RBM6: variants seen among roughly 807,000 people sequenced by gnomAD.
The protein encoded by RBM6 is RNA-binding protein 6.
Under a neutral mutation model 140.4 loss-of-function variants are expected in RBM6, and 23 were observed. That is an observed-to-expected ratio of 0.16 (90% CI 0.12 to 0.23). The LOEUF (loss-of-function observed/expected upper bound fraction) is 0.23. Among genes scored for constraint, RBM6 ranks in the 10% least tolerant of loss-of-function variants. RBM6 has a pLI of 1.00. For synonymous variants in RBM6, 439 were observed against 475.6 expected (o/e 0.92, Z 1.00); for missense variants, 1,139 against 1,386.7 (o/e 0.82, Z 2.84).
intron 6 of RBM6, among the ~76,000 whole-genome samples, chr3:50,032,950 A>G (rs2088270233): frequency 6.6e-6 from 1 of 151,728 alleles, no homozygotes; most frequent in Non-Finnish European, 1.5e-5. Flanking sequence ...GTGCCATTGC[A>G]CTCCAACCTG....
chr3:49,968,738 G>C lies in RBM6; in HGVS notation c.1313G>C (p.Arg438Pro). Reference sequence around the variant, plus strand: ...GGCAAAACTGCCCGAGATGCCCAACGGGACCTTCAGGTATGTTGATGGGGT... The same window carrying C: ...GGCAAAACTGCCCGAGATGCCCAACCGGACCTTCAGGTATGTTGATGGGGT... ...PEGKTARDAQRDLQDQDYRTG... is the reference protein window; with the variant it reads ...PEGKTARDAQPDLQDQDYRTG... The change falls in exon 3 of 21, where the codon CGG becomes CCG. Residue 438 changes from arginine to proline, a missense_variant. By Grantham distance (103) the Arg-to-Pro change is moderately radical (BLOSUM62 -2). Coordinates refer to ENST00000266022, the MANE Select transcript of RBM6 (RefSeq NM_005777.3). 6.2e-7 allele frequency: 1 copy of C among 1,605,332 alleles called. No individual in the cohort carries two copies. The highest frequency in any genetic ancestry group is 8.5e-7 in the Non-Finnish European group (1 of 1,175,410).
At chr3:50,009,251 T>C (rs546594536) in intron 6 of RBM6, among the ~76,000 whole-genome samples, 140 of 152,310 alleles carry the variant, frequency 9.2e-4, no homozygotes, top group Admixed American at 1.8e-3. Flanking sequence ...TGCACAAGCA[T>C]TCAGGCATGT....
chr3:50,022,022 G>A (rs922012250), intron 6 of RBM6, among the ~76,000 whole-genome samples: 5 of 150,774 alleles, frequency 3.3e-5, no homozygotes, highest in African/African-American at 1.2e-4. Context: ...CCACTGCACT[G>A]TAGCCTGGGT....
chr3:50,048,103 A>G (rs2089301010), intron 6 of RBM6, 142 bp from the exon 7 acceptor site: 1 of 1,449,254 alleles, frequency 6.9e-7, no homozygotes, highest in Admixed American at 2.8e-5. Flanking sequence ...GGCTTAAAAC[A>G]GCCATTTCCT....
rs1431206368 is a variant in RBM6 at position 49,968,432 on chromosome 3, A to C, written c.1007A>C (p.His336Pro). The change falls in exon 3 of 21, where the codon CAT becomes CCT. Residue 336 changes from histidine (H) to proline (P), a missense_variant. By Grantham distance (77) the His-to-Pro change is moderately conservative (BLOSUM62 -2). Transcript: ENST00000266022. ...GGCATTCAGAAGGGAGAATTTGAGCATTCAGAAACAAGAGAAGGAGAAACA... is the reference window on the plus strand; with the variant it reads ...GGCATTCAGAAGGGAGAATTTGAGCCTTCAGAAACAAGAGAAGGAGAAACA... ...AFGIQKGEFE[H>P]SETREGETQG... is the part of the protein sequence containing the mutation. The C allele has an allele frequency of 6.2e-7, 1 of 1,614,206 alleles. No individual in the cohort carries two copies. Among genetic ancestry groups the C allele is most frequent in the Admixed American group, 1.7e-5 (1 of 60,024 alleles).
At chr3:50,017,841 A>C (rs2087251013) in intron 6 of RBM6, among the ~76,000 whole-genome samples, 1 of 152,186 alleles carries the variant, frequency 6.6e-6, no homozygotes, top group South Asian at 2.1e-4. Flanking sequence ...ATGCACAAGA[A>C]ATCATTGCCT....
intron 6 of RBM6, among the ~76,000 whole-genome samples, chr3:50,023,784 G>A (rs894444596): frequency 1.3e-5 from 2 of 151,520 alleles, no homozygotes; most frequent in Admixed American, 6.6e-5. Flanking sequence ...GAGTAGCTGG[G>A]ATTACAGGCA....
At chr3:49,953,294 A>G (rs1343268733) in intron 1 of RBM6, among the ~76,000 whole-genome samples, 4 of 149,574 alleles carry the variant, frequency 2.7e-5, no homozygotes, top group Admixed American at 2.0e-4. Flanking sequence ...ATCTTGGCTC[A>G]CTGCAAATTC....
chr3:50,026,383 CTT>C (rs750131367), intron 6 of RBM6, among the ~76,000 whole-genome samples: 43 of 127,544 alleles, frequency 3.4e-4, no homozygotes, highest in Non-Finnish European at 3.7e-4. Context: ...GTGCCCGGCC[CTT>C]TTTTTTTTTT....
chr3:50,031,974 T>C (rs889383111), intron 6 of RBM6, among the ~76,000 whole-genome samples: 1 of 152,188 alleles, frequency 6.6e-6, no homozygotes, highest in Admixed American at 6.5e-5. Context: ...ACCTACTATG[T>C]ATCCACAAAA....
chr3:50,044,038 A>C (rs181319462), intron 6 of RBM6, among the ~76,000 whole-genome samples: 8 of 152,010 alleles, frequency 5.3e-5, no homozygotes, highest in Middle Eastern at 3.4e-3. Flanking sequence ...ATATCACCGC[A>C]ACCAGCTAAT....
At chr3:50,006,583 C>T (rs1006783422) in intron 6 of RBM6, among the ~76,000 whole-genome samples, 7 of 152,090 alleles carry the variant, frequency 4.6e-5, no homozygotes, top group African/African-American at 1.7e-4. Flanking sequence ...TGTGTTTTAA[C>T]GTACTCTCAC....
intron 1 of RBM6, among the ~76,000 whole-genome samples, chr3:49,951,305 C>T (rs1457782269): frequency 1.3e-5 from 2 of 151,886 alleles, no homozygotes; most frequent in Non-Finnish European, 2.9e-5. Flanking sequence ...CTCTGCCTCC[C>T]AGGCACAAGC....
intron 6 of RBM6, among the ~76,000 whole-genome samples, chr3:50,003,489 T>G (rs1297249793): frequency 1.3e-5 from 2 of 152,168 alleles, no homozygotes; most frequent in Non-Finnish European, 2.9e-5. Flanking sequence ...TGTAACTCTT[T>G]GCTATTCCGA....
chr3:49,979,441 T>TG (rs1421165630), intron 5 of RBM6, among the ~76,000 whole-genome samples: 1 of 150,214 alleles, frequency 6.7e-6, no homozygotes, highest in East Asian at 1.9e-4. Context: ...TTACTTTGTT[T>TG]TTTTTTTTTT....
intron 1 of RBM6, among the ~76,000 whole-genome samples, chr3:49,955,100 G>A (rs1348540168): frequency 7.0e-6 from 1 of 143,588 alleles, no homozygotes; most frequent in Non-Finnish European, 1.5e-5. Flanking sequence ...AGCTTATCCT[G>A]TATCAATTAA....
At chr3:50,076,281 A>T (rs907124301) in intron 20 of RBM6, among the ~76,000 whole-genome samples, 6 of 151,170 alleles carry the variant, frequency 4.0e-5, no homozygotes, top group Non-Finnish European at 5.9e-5. Flanking sequence ...AAGATTCTTT[A>T]AAAAAATTAT....
chr3:49,964,641 T>C (rs935869653), intron 2 of RBM6, among the ~76,000 whole-genome samples: 2 of 152,234 alleles, frequency 1.3e-5, no homozygotes, highest in Non-Finnish European at 2.9e-5. Flanking sequence ...AAAAGTTTCC[T>C]GACCTCTCAT....
chr3:49,955,272 G>A (rs145351666), intron 1 of RBM6, among the ~76,000 whole-genome samples: 157 of 135,696 alleles, frequency 1.2e-3, no homozygotes, highest in Non-Finnish European at 1.6e-3. Context: ...ATCAAGCCTC[G>A]GGATCCTCCT....
Sources: allele counts gnomAD v4.1 joint callset (sites outside exome capture counted in the v4.1 genomes callset), GRCh38; gene constraint gnomAD v4.1.1; transcripts MANE v1.5; gene names NCBI Gene and HGNC (gene_info 2026-07-23, HGNC 2026-07-21).